Variants in PEPD observed in about 807,000 individuals in gnomAD.
PEPD encodes xaa-Pro dipeptidase.
PEPD carries 53 observed loss-of-function variants against 60.7 expected under a neutral mutation model. That is an observed-to-expected ratio of 0.87 (90% CI 0.70 to 1.10). PEPD has a LOEUF of 1.10. PEPD is among the 50% of genes least tolerant of loss of function. The pLI is 0.00. For synonymous variants in PEPD, 267 were observed against 284.1 expected (o/e 0.94, Z 0.60); for missense variants, 711 against 711.9 (o/e 1.00, Z 0.01).
Position 33,521,747 on chromosome 19 carries a change from G to C in PEPD, c.14C>G (p.Thr5Ser). Reference sequence around the variant, plus strand: ...GCGAGGGAGGCGCAGCACTCACCCGGTGGCCGCCGCCATGTTCGCCCGGCA... The same window carrying C: ...GCGAGGGAGGCGCAGCACTCACCCGCTGGCCGCCGCCATGTTCGCCCGGCA... MAAATGPSFWLGNET... is the reference protein window; with the variant it reads MAAASGPSFWLGNET... The change falls in exon 1 of 15, where the codon ACC becomes AGC. Residue 5 changes from threonine (T) to serine (S), a missense_variant. Thr to Ser is a moderately conservative substitution (Grantham distance 58). Transcript: ENST00000244137. The C allele has an allele frequency of 6.3e-7, 1 of 1,577,988 alleles. No homozygotes were observed. Among genetic ancestry groups the C allele is most frequent in the Non-Finnish European group, 8.6e-7 (1 of 1,167,470 alleles).
chr19:33,441,960 T>TG (rs956280075), intron 9 of PEPD, among the ~76,000 whole-genome samples: 18 of 152,336 alleles, frequency 1.2e-4, no homozygotes, highest in African/African-American at 4.3e-4. Context: ...TCTCCTTCTG[T>TG]GGGGCAGAGA....
At chr19:33,452,618 G>A (rs974889927) in intron 9 of PEPD, among the ~76,000 whole-genome samples, 1 of 152,044 alleles carries the variant, frequency 6.6e-6, no homozygotes, top group African/African-American at 2.4e-5. Flanking sequence ...CAGATATAAA[G>A]GAGATATTTT....
In PEPD at chr19:33,428,789, T is replaced by C. The variant is rs1600107619; in HGVS notation, c.672-15146A>G. Among the ~76,000 whole-genome samples, 6 of 152,290 alleles carry C rather than the reference T, an allele frequency of 3.9e-5. No individual in the cohort carries two copies. In the East Asian group the frequency reaches 1.2e-3, roughly 29 times the overall value. The stretch of plus-strand genomic sequence containing the variant: ...CACCCATACCCAAGGCTGGCCACAG[T>C]GATGAGCACACAGTAGGTCCTCAGT... On this transcript the variant is annotated intron_variant, in intron 9 of 14. Transcript: ENST00000244137.
intron 11 of PEPD, among the ~76,000 whole-genome samples, chr19:33,404,818 T>TAA (rs34590608): frequency 2.6e-5 from 4 of 151,824 alleles, no homozygotes; most frequent in East Asian, 1.9e-4. Flanking sequence ...TTTTCTGCCT[T>TAA]AAAAAAATCC....
At chr19:33,403,493 C>T (rs981469714) in intron 11 of PEPD, among the ~76,000 whole-genome samples, 2 of 152,226 alleles carry the variant, frequency 1.3e-5, no homozygotes, top group Non-Finnish European at 1.5e-5. Context: ...TCACCCAAAT[C>T]CCAGCTCTCA....
chr19:33,517,705 G>A (rs144278886), intron 1 of PEPD, among the ~76,000 whole-genome samples: 5,641 of 152,038 alleles, frequency 0.037, 242 homozygotes, highest in African/African-American at 0.098. Context: ...GGTGGCTCAC[G>A]CCTGTAATAC....
intron 1 of PEPD, among the ~76,000 whole-genome samples, chr19:33,517,880 C>T (rs889939802): frequency 2.9e-4 from 44 of 150,668 alleles, no homozygotes; most frequent in Middle Eastern, 3.5e-3. Flanking sequence ...GGCAGGAGAA[C>T]CACTTGAACC....
intron 9 of PEPD, among the ~76,000 whole-genome samples, chr19:33,427,674 T>C (rs1969180453): frequency 6.6e-6 from 1 of 152,246 alleles, no homozygotes; most frequent in South Asian, 2.1e-4. Context: ...AAATAATCCA[T>C]TTTTAATTAA....
At chr19:33,396,850 C>T (rs750461172) in intron 12 of PEPD, among the ~76,000 whole-genome samples, 14 of 152,190 alleles carry the variant, frequency 9.2e-5, no homozygotes, top group Non-Finnish European at 5.9e-5. Flanking sequence ...ACTGAGCCCG[C>T]GGGACAGGGA....
chr19:33,419,509 A>T (rs1007061792), intron 9 of PEPD, among the ~76,000 whole-genome samples: 1 of 152,198 alleles, frequency 6.6e-6, no homozygotes, highest in Admixed American at 6.5e-5. Flanking sequence ...TGGGGTCAGG[A>T]AACCCACTGA....
rs1970953344 is a variant in PEPD at position 33,512,759 on chromosome 19, C to T, written c.35G>A (p.Gly12Glu). ...AAATGPSFWLGNETLKVPLAL... is the reference protein window; with the variant it reads ...AAATGPSFWLENETLKVPLAL... ...CAGCGGCACCTTCAGGGTTTCATTC[C>T]CCAGCCAAAACGAGGGTCTGCAGAG... The change falls in exon 2 of 15, where the codon GGG (glycine) becomes GAG (glutamate). Residue 12 changes from glycine (G) to glutamate (E), a missense_variant. Transcript: ENST00000244137. 4 of 1,613,992 alleles carry T rather than the reference C, an allele frequency of 2.5e-6. No homozygotes were observed. The highest frequency in any genetic ancestry group is 2.7e-5 in the African/African-American group (2 of 74,932).
rs200108299 is a variant in PEPD at position 33,511,135 on chromosome 19, C to T, written c.222G>A (p.Ala74=). 7 of 1,613,874 alleles carry T rather than the reference C, an allele frequency of 4.3e-6. No homozygotes were observed. Among genetic ancestry groups the T allele is most frequent in the Admixed American group, 3.3e-5 (2 of 60,010 alleles). Residue 74 remains alanine (A), a synonymous_variant, in exon 3 of 15, where the codon GCG becomes GCA. Transcript: ENST00000244137. ...LFRQESFFHW[A]FGVTEPGCYG... ...AGCAGCCTGGCTCAGTGACACCGAA[C>T]GCCCAGTGAAAGAAGGACTCCTGTG...
At chr19:33,509,780 A>C (rs888161043) in intron 3 of PEPD, among the ~76,000 whole-genome samples, 1 of 152,212 alleles carries the variant, frequency 6.6e-6, no homozygotes, top group African/African-American at 2.4e-5. Context: ...GATCACCTCA[A>C]ACCTCCCTGG....
At chr19:33,388,429 G>A (rs1225468938) in intron 13 of PEPD, 1 of 487,128 alleles carries the variant, frequency 2.1e-6, no homozygotes, top group South Asian at 2.2e-5. Flanking sequence ...CTGCTGGCCA[G>A]AGGAGTGGCA....
In PEPD at chr19:33,511,462, C is replaced by G. The variant is rs561873432; in HGVS notation, c.202-307G>C. The G allele has an allele frequency of 1.5e-5, 6 of 396,174 alleles. No individual in the cohort carries two copies. In the East Asian group the frequency reaches 3.5e-4, roughly 23 times the overall value. The allele number at this position is 396,174 out of a possible 1,614,324, so 24.5% of individuals were successfully genotyped here. On this transcript the variant is annotated intron_variant, in intron 2 of 14. Transcript: ENST00000244137. ...CAACAGGGCGTCCAGCAGCACCACA[C>G]GTCCAGCTCAACCCTGCCTCTCTGC...
At chr19:33,521,436 G>C (rs370369683) in intron 1 of PEPD, among the ~76,000 whole-genome samples, 1 of 152,182 alleles carries the variant, frequency 6.6e-6, no homozygotes, top group Non-Finnish European at 1.5e-5. Flanking sequence ...CCTCCTACCC[G>C]GGGGTCTTGG....
intron 3 of PEPD, among the ~76,000 whole-genome samples, chr19:33,507,534 G>T (rs768022020): frequency 4.6e-5 from 7 of 152,136 alleles, no homozygotes; most frequent in Non-Finnish European, 7.4e-5. Flanking sequence ...TCCTGCAGAC[G>T]GGGGTGTCGT....
rs569526514 is a variant in PEPD, at chr19:33,393,231, C to T, written c.968-1752G>A. On this transcript the variant is annotated intron_variant, in intron 12 of 14. Transcript: ENST00000244137. ...GGGTCTGGCGTCGGGGAGGCCGTCCCGGGGTCTGGGGTCTGGGGTCTGGCG... is the reference window on the plus strand; with the variant it reads ...GGGTCTGGCGTCGGGGAGGCCGTCCTGGGGTCTGGGGTCTGGGGTCTGGCG... 1.8e-3 allele frequency among the ~76,000 whole-genome samples: 154 copies of T among 85,692 alleles called. 1 individual carries two copies. The highest frequency in any genetic ancestry group is 2.7e-3 in the Admixed American group (28 of 10,382). 56.2% of individuals were successfully genotyped at this position (85,692 alleles called of 152,430 possible).
In PEPD at chr19:33,446,794, G is replaced by A. The variant is rs554010668; in HGVS notation, c.671+16201C>T. ...GCCTTTCTGCCACCTCTGCTGATAG[G>A]GTCCCAGGACCACGGCTTTCCGATG... On this transcript the variant is annotated intron_variant, in intron 9 of 14. Transcript: ENST00000244137. Among the ~76,000 whole-genome samples, 3 of 152,358 alleles carry A rather than the reference G, an allele frequency of 2.0e-5. No individual in the cohort carries two copies. In the East Asian group the frequency reaches 5.8e-4, roughly 29 times the overall value.
Sources: allele counts gnomAD v4.1 joint callset (sites outside exome capture counted in the v4.1 genomes callset), GRCh38; gene constraint gnomAD v4.1.1; transcripts MANE v1.5; gene names NCBI Gene and HGNC (gene_info 2026-07-23, HGNC 2026-07-21).